TRIM77: variants seen among roughly 807,000 people sequenced by gnomAD.
TRIM77 encodes tripartite motif containing 77.
In TRIM77, 23 loss-of-function variants were observed where a neutral mutation model predicts 31.8. The ratio of observed to expected loss-of-function variants is 0.72; its 90% CI spans 0.52 to 1.02. The LOEUF (loss-of-function observed/expected upper bound fraction) is 1.02, where lower values mean the gene tolerates loss of function less well. TRIM77 is among the 50% of genes least tolerant of loss of function. The probability of loss-of-function intolerance (pLI) is 0.00; values close to 1 mark genes in which losing one functional copy is unlikely to be tolerated. For missense variants in TRIM77, 446 were observed against 539.2 expected, an observed-to-expected ratio of 0.83 and a Z score of 1.71; for synonymous variants, 159 against 183.1, an observed-to-expected ratio of 0.87 and a Z score of 1.06.
rs754736048 is a variant in TRIM77 at position 89,715,148 on chromosome 11, CTCTT to C, written c.739-8_739-5del. On this transcript the variant is annotated splice_region_variant and splice_polypyrimidine_tract_variant and intron_variant, in intron 3 of 5. Transcript: ENST00000398290. The stretch of plus-strand genomic sequence containing the variant: ...TGCTGCAAACTAAGCAATCCTCTCT[CTCTT>C]TATAGGATTTGGGAGACGTAATGAA... The C allele has an allele frequency of 5.8e-6, 9 of 1,551,278 alleles. 1 individual carries two copies. In the South Asian group the frequency reaches 8.3e-5, roughly 14 times the overall value.
intron 3 of TRIM77, 149 bp from the exon 4 acceptor site, chr11:89,715,009 A>G (rs1247529510): frequency 1.5e-6 from 1 of 688,356 alleles, no homozygotes; most frequent in African/African-American, 1.8e-5. Flanking sequence ...TTATAAAGAA[A>G]AAGAAAATGA....
In TRIM77 at chr11:89,714,279, G is replaced by C. The variant is rs1591485072; in HGVS notation, c.595G>C (p.Glu199Gln). The C allele has an allele frequency of 2.6e-6, 4 of 1,551,594 alleles. No individual in the cohort carries two copies. The South Asian group carries it at 4.8e-5, about 18-fold the overall frequency. Residue 199 changes from glutamate (E) to glutamine (Q), a missense_variant, in exon 3 of 6, where the codon GAG becomes CAG. Around this residue, in one of 3 missense-constraint regions of TRIM77, gnomAD observed 366 missense variants for 447.9 expected, o/e 0.82. Transcript: ENST00000398290. ...CCGTGAAGAAGAGCAAAAGCACGTA[G>C]AGAGCCTGGCAAGAGAAGGCAGGAT... ...YLREEEQKHV[E>Q]SLAREGRIIF...
At chr11:89,714,763 G>C (rs1949148841) in intron 3 of TRIM77, among the ~76,000 whole-genome samples, 1 of 152,208 alleles carries the variant, frequency 6.6e-6, no homozygotes, top group South Asian at 2.1e-4. Context: ...GTCAATATGT[G>C]AAAGTGTGAG....
intron 4 of TRIM77, 102 bp from the exon 5 acceptor site, chr11:89,715,788 C>A: frequency 4.3e-6 from 3 of 697,796 alleles, no homozygotes; most frequent in Non-Finnish European, 7.1e-6. Context: ...TCAAGTCACA[C>A]TCTTCAACCT....
At chr11:89,714,159 A>G in intron 2 of TRIM77, 33 bp from the exon 3 acceptor site, 1 of 1,416,374 alleles carries the variant, frequency 7.1e-7, no homozygotes, top group Non-Finnish European at 9.6e-7. Context: ...AACCACTTAG[A>G]CACATGATTT....
rs779717902 is a variant in TRIM77 at position 89,711,438 on chromosome 11, T to C, written c.440T>C (p.Ile147Thr). ...AAACTCCTGATTCAAATGAAGTCCA[T>C]CTGGAAAAAAAAACAGAAAAATCAA... ...RKKLLIQMKSIWKKKQKNQRN... is the reference protein window; with the variant it reads ...RKKLLIQMKSTWKKKQKNQRN... The change falls in exon 2 of 6, where the codon ATC becomes ACC. Residue 147 changes from isoleucine (I) to threonine (T), a missense_variant. Transcript: ENST00000398290. The C allele has an allele frequency of 9.3e-6, 14 of 1,504,990 alleles. No homozygotes were observed. In the South Asian group the frequency reaches 1.7e-4, roughly 18 times the overall value. The allele number at this position is 1,504,990 out of a possible 1,614,324, so 93.2% of individuals were successfully genotyped here. A position where few individuals can be genotyped will look rare whatever the true frequency, so the allele number is the denominator to read the frequency against.
Position 89,717,550 on chromosome 11 carries a change from A to G in TRIM77, c.1031A>G (p.Glu344Gly), listed in dbSNP as rs1243258920. ...CTCAGCTCTGGCAAACATTACTGGG[A>G]GGTGGATGTGAAAGACTCTTGTAAT... ...QILSSGKHYW[E>G]VDVKDSCNWV... The change falls in exon 6 of 6, where the codon GAG (glutamate) becomes GGG (glycine). Residue 344 changes from glutamate to glycine, a missense_variant. Transcript: ENST00000398290. 6.4e-7 allele frequency: 1 copy of G among 1,551,384 alleles called. No homozygotes were observed. Among genetic ancestry groups the G allele is most frequent in the Non-Finnish European group, 8.7e-7 (1 of 1,146,922 alleles).
In TRIM77 at chr11:89,717,603, T is replaced by C. The variant is rs1474553348; in HGVS notation, c.1084T>C (p.Trp362Arg). 1 of 1,551,322 alleles carries C rather than the reference T, an allele frequency of 6.4e-7. No individual in the cohort carries two copies. The highest frequency in any genetic ancestry group is 8.7e-7 in the Non-Finnish European group (1 of 1,146,826). Residue 362 changes from tryptophan (W) to arginine (R), a missense_variant, in exon 6 of 6, where the codon TGG becomes CGG. Physicochemically the swap from Trp to Arg is moderately radical, Grantham distance 101. Transcript: ENST00000398290. Reference protein sequence around the residue: ...NWVIGLCREAWTKRNDMRLDS... With the variant: ...NWVIGLCREARTKRNDMRLDS... ...GGTTATAGGACTTTGCAGAGAAGCC[T>C]GGACAAAGAGGAATGACATGCGACT...
In TRIM77 at chr11:89,715,169, C is replaced by T. The variant is rs143204032; in HGVS notation, c.750C>T (p.Asp250=). 122 of 1,551,378 alleles carry T rather than the reference C, an allele frequency of 7.9e-5. No homozygotes were observed. The African/African-American group carries it at 1.1e-3, about 14-fold the overall frequency. ...CTCTCTCTTTATAGGATTTGGGAGA[C>T]GTAATGAAAAGGTAAGTTTGCCCCT... is the stretch of plus-strand genomic sequence containing the variant. ...ADVNLPQDLG[D]VMKRNEFLRL... is the part of the protein sequence containing the mutation. The change falls in exon 4 of 6, where the codon GAC becomes GAT. Residue 250 remains aspartate, a synonymous_variant. Transcript: ENST00000398290.
chr11:89,714,347 G>C lies in TRIM77; in HGVS notation c.663G>C (p.Lys221Asn). 1 of 1,551,744 alleles carries C rather than the reference G, an allele frequency of 6.4e-7. No homozygotes were observed. Among genetic ancestry groups the C allele is most frequent in the Non-Finnish European group, 8.7e-7 (1 of 1,146,990 alleles). ...QLKRSQTRMAKMGILLREMYE... is the reference protein window; with the variant it reads ...QLKRSQTRMANMGILLREMYE... Reference sequence around the variant, plus strand: ...AGAGAAGTCAAACTAGAATGGCTAAGATGGGTATACTCCTGAGAGAAATGT... The same window carrying C: ...AGAGAAGTCAAACTAGAATGGCTAACATGGGTATACTCCTGAGAGAAATGT... The change falls in exon 3 of 6, where the codon AAG (lysine) becomes AAC (asparagine). Residue 221 changes from lysine to asparagine, a missense_variant. Coordinates refer to ENST00000398290, the MANE Select transcript of TRIM77 (RefSeq NM_001146162.1).
At chr11:89,713,275 C>CAAA (rs1185402054) in intron 2 of TRIM77, among the ~76,000 whole-genome samples, 4 of 42,194 alleles carry the variant, frequency 9.5e-5, no homozygotes, top group African/African-American at 2.8e-4. Context: ...GACTCCGTCT[C>CAAA]AAAAAAAAAA....
At position 89,710,585 on chromosome 11, in the gene TRIM77, A is replaced by C; in HGVS notation, c.287A>C (p.His96Pro). The C allele has an allele frequency of 6.4e-7, 1 of 1,551,694 alleles. No homozygotes were observed. Among genetic ancestry groups the C allele is most frequent in the Non-Finnish European group, 8.7e-7 (1 of 1,146,978 alleles). Residue 96 changes from histidine (H) to proline (P), a missense_variant, in exon 1 of 6, where the codon CAC becomes CCC. Physicochemically the swap from His to Pro is moderately conservative, Grantham distance 77. Transcript: ENST00000398290. ...TCTGCCATGCTGATCTGTAGGAGAC[A>C]CCAGGAAATCAAGAACCTCATCTGT... is the stretch of plus-strand genomic sequence containing the variant. ...SSSAMLICRRHQEIKNLICET... is the reference protein window; with the variant it reads ...SSSAMLICRRPQEIKNLICET...
chr11:89,711,026 G>A (rs11018746), intron 1 of TRIM77, among the ~76,000 whole-genome samples: 45,896 of 151,996 alleles, frequency 0.3, 7,536 homozygotes, highest in Middle Eastern at 0.4. Context: ...GATAGTCATT[G>A]GCTAACACAG....
In TRIM77 at chr11:89,717,523, T is replaced by C; in HGVS notation, c.1004T>C (p.Ile335Thr). ...TQYTSSWGAQ[I>T]LSSGKHYWEV... Reference sequence around the variant, plus strand: ...TATACTTCTTCATGGGGAGCTCAGATCCTCAGCTCTGGCAAACATTACTGG... The same window carrying C: ...TATACTTCTTCATGGGGAGCTCAGACCCTCAGCTCTGGCAAACATTACTGG... The change falls in exon 6 of 6, where the codon ATC becomes ACC. Residue 335 changes from isoleucine (I) to threonine (T), a missense_variant. By Grantham distance (89) the Ile-to-Thr change is moderately conservative (BLOSUM62 -1). Transcript: ENST00000398290. The C allele has an allele frequency of 6.4e-7, 1 of 1,551,558 alleles. No homozygotes were observed. Among genetic ancestry groups the C allele is most frequent in the Non-Finnish European group, 8.7e-7 (1 of 1,146,920 alleles).
In TRIM77 at chr11:89,714,272, G is replaced by A. The variant is rs16915837; in HGVS notation, c.588G>A (p.Lys196=). 2,556 of 1,551,660 alleles carry A rather than the reference G, an allele frequency of 1.6e-3. 34 individuals carry two copies. In the African/African-American group the frequency reaches 0.031, roughly 19 times the overall value. The change falls in exon 3 of 6, where the codon AAG becomes AAA. Residue 196 remains lysine, a synonymous_variant. Transcript: ENST00000398290. ...VCQYLREEEQ[K]HVESLAREGR... ...AATACCTCCGTGAAGAAGAGCAAAA[G>A]CACGTAGAGAGCCTGGCAAGAGAAG...
At chr11:89,711,651 T>C (rs1004654719) in intron 2 of TRIM77, 146 bp downstream of exon 2, 8 of 590,324 alleles carry the variant, frequency 1.4e-5, no homozygotes, top group African/African-American at 4.0e-5. Flanking sequence ...TAACTTAATC[T>C]TTAGTGTGAG....
chr11:89,717,790 C>A lies in TRIM77; in HGVS notation c.1271C>A (p.Ala424Asp), dbSNP rs1282218644. 4 of 1,550,944 alleles carry A rather than the reference C, an allele frequency of 2.6e-6. No individual in the cohort carries two copies. The highest frequency in any genetic ancestry group is 3.5e-6 in the Non-Finnish European group (4 of 1,146,556). Residue 424 changes from alanine (A) to aspartate (D), a missense_variant, in exon 6 of 6, where the codon GCC becomes GAC. By Grantham distance (126) the Ala-to-Asp change is moderately radical. Around this residue, in one of 3 missense-constraint regions of TRIM77, gnomAD observed 366 missense variants for 447.9 expected, o/e 0.82. Coordinates refer to ENST00000398290, the MANE Select transcript of TRIM77 (RefSeq NM_001146162.1). ...GGGATAGTGAGCTTTGTTAATGTTG[C>A]CCAAAGTTCCCTCATTTGTAGTTTC... ...ECGIVSFVNV[A>D]QSSLICSFLS... is the part of the protein sequence containing the mutation.
At chr11:89,714,090 A>G (rs1949143877) in intron 2 of TRIM77, 102 bp from the exon 3 acceptor site, 1 of 747,052 alleles carries the variant, frequency 1.3e-6, no homozygotes, top group South Asian at 1.9e-5. Flanking sequence ...ATTAAACTAT[A>G]TTTAGTAGAA....
At position 89,713,659 on chromosome 11, in the gene TRIM77, G is replaced by T. The variant is rs959095758; in HGVS notation, c.508-533G>T. On this transcript the variant is annotated intron_variant, in intron 2 of 5. Transcript: ENST00000398290. The stretch of plus-strand genomic sequence containing the variant: ...TAGGGACAGAGACAGGAAGACAGAC[G>T]CAGGCAGAAGGAAAGAATGAACATT... Among the ~76,000 whole-genome samples the T allele has an allele frequency of 1.5e-3, 229 of 151,966 alleles. 1 individual carries two copies. The highest frequency in any genetic ancestry group is 5.3e-3 in the African/African-American group (220 of 41,464).
Sources: allele counts gnomAD v4.1 joint callset (sites outside exome capture counted in the v4.1 genomes callset), GRCh38; gene constraint gnomAD v4.1.1; regional missense constraint gnomAD v4.1.1; transcripts MANE v1.5; gene names NCBI Gene and HGNC (gene_info 2026-07-23, HGNC 2026-07-21).